The following C13orf42 variants were observed in gnomAD, a reference collection of about 807,000 sequenced individuals.
The protein encoded by C13orf42 is chromosome 13 open reading frame 42, also known as uncharacterized protein C13orf42.
intron 1 of C13orf42, among the ~76,000 whole-genome samples, chr13:51,142,923 A>G (rs1953706701): frequency 6.6e-6 from 1 of 152,194 alleles, no homozygotes; most frequent in Non-Finnish European, 1.5e-5. Flanking sequence ...AGTGTAAGCC[A>G]CAATAAGAGG....
intron 1 of C13orf42, among the ~76,000 whole-genome samples, chr13:51,154,572 C>T (rs1953810561): frequency 1.3e-5 from 2 of 152,122 alleles, no homozygotes; most frequent in South Asian, 2.1e-4. Context: ...GTGGAGCAAG[C>T]GAGAAAAGTA....
chr13:51,144,094 T>C (rs1953717876), intron 1 of C13orf42, among the ~76,000 whole-genome samples: 2 of 152,196 alleles, frequency 1.3e-5, no homozygotes, highest in Admixed American at 6.5e-5. Context: ...TGTCTTGTTT[T>C]GGTCCTCTTT....
chr13:51,142,343 G>A (rs555133405), intron 1 of C13orf42, among the ~76,000 whole-genome samples: 2 of 152,314 alleles, frequency 1.3e-5, no homozygotes, highest in African/African-American at 2.4e-5. Context: ...AGCCAATTAG[G>A]TGAAATCTTT....
chr13:51,162,047 GC>G (rs1193139479), intron 1 of C13orf42: 2 of 351,072 alleles, frequency 5.7e-6, no homozygotes, highest in African/African-American at 4.3e-5. Flanking sequence ...AGTACAACAT[GC>G]TGCAGCATCA....
intron 1 of C13orf42, among the ~76,000 whole-genome samples, chr13:51,146,414 G>A (rs895146348): frequency 6.6e-6 from 1 of 152,140 alleles, no homozygotes. Context: ...TGTGAACCTC[G>A]AATATCCGAG....
At chr13:51,157,204 C>T (rs1164670589) in intron 1 of C13orf42, among the ~76,000 whole-genome samples, 4 of 152,080 alleles carry the variant, frequency 2.6e-5, no homozygotes, top group South Asian at 2.1e-4. Context: ...GAGGCCGAGG[C>T]GGACGGATCG....
chr13:51,151,298 C>T (rs1212880562), intron 1 of C13orf42, among the ~76,000 whole-genome samples: 2 of 151,880 alleles, frequency 1.3e-5, no homozygotes, highest in East Asian at 3.9e-4. Context: ...AGAGACTCAG[C>T]ACACCATTGC....
At chr13:51,087,694 G>A (rs1953142920) in intron 2 of C13orf42, among the ~76,000 whole-genome samples, 1 of 152,212 alleles carries the variant, frequency 6.6e-6, no homozygotes, top group African/African-American at 2.4e-5. Context: ...CAGAGTGTTG[G>A]AGAGGCAGCC....
At chr13:51,109,442 G>A (rs1040503617) in intron 1 of C13orf42, among the ~76,000 whole-genome samples, 3 of 152,094 alleles carry the variant, frequency 2.0e-5, no homozygotes, top group Non-Finnish European at 2.9e-5. Flanking sequence ...CTTAACCTAC[G>A]GGCATTAGAA....
chr13:51,099,749 C>T (rs547422478), intron 1 of C13orf42, among the ~76,000 whole-genome samples: 1 of 152,252 alleles, frequency 6.6e-6, no homozygotes, highest in South Asian at 2.1e-4. Context: ...ATCCTCCTAC[C>T]TCAGTTTTCC....
intron 1 of C13orf42, among the ~76,000 whole-genome samples, chr13:51,133,194 T>C (rs1953632384): frequency 6.6e-6 from 1 of 152,242 alleles, no homozygotes; most frequent in African/African-American, 2.4e-5. Flanking sequence ...CACCGTGAAT[T>C]CTTTCTTGCA....
At chr13:51,153,945 A>C (rs1043361801) in intron 1 of C13orf42, among the ~76,000 whole-genome samples, 3 of 151,954 alleles carry the variant, frequency 2.0e-5, no homozygotes, top group Non-Finnish European at 4.4e-5. Flanking sequence ...ACCCATCTTC[A>C]AAACTGTTTT....
At chr13:51,135,075 G>T (rs555922540) in intron 1 of C13orf42, among the ~76,000 whole-genome samples, 1 of 152,154 alleles carries the variant, frequency 6.6e-6, no homozygotes, top group Admixed American at 6.5e-5. Context: ...TTGAACCCTC[G>T]GGAGGCCTCT....
At chr13:51,167,460 T>C (rs1953912043) in intron 1 of C13orf42, among the ~76,000 whole-genome samples, 1 of 152,150 alleles carries the variant, frequency 6.6e-6, no homozygotes, top group Non-Finnish European at 1.5e-5. Flanking sequence ...ACAAAGCCCA[T>C]GACTCAAGGA....
At chr13:51,122,852 T>G (rs1953547821) in intron 1 of C13orf42, among the ~76,000 whole-genome samples, 2 of 152,202 alleles carry the variant, frequency 1.3e-5, no homozygotes, top group Non-Finnish European at 2.9e-5. Context: ...AAACAATTTT[T>G]AAAACACCCA....
intron 1 of C13orf42, among the ~76,000 whole-genome samples, chr13:51,148,123 C>G (rs1953752728): frequency 6.6e-6 from 1 of 152,180 alleles, no homozygotes; most frequent in Non-Finnish European, 1.5e-5. Flanking sequence ...CATGTGATTT[C>G]CGTAAAATCC....
chr13:51,119,912 T>G (rs3926805), intron 1 of C13orf42, among the ~76,000 whole-genome samples: 40,469 of 151,728 alleles, frequency 0.27, 6,415 homozygotes, highest in African/African-American at 0.45. Flanking sequence ...TAAAAACAAA[T>G]AGATTCCCAA....
At chr13:51,101,423 G>C (rs550618507) in intron 1 of C13orf42, among the ~76,000 whole-genome samples, 8 of 152,088 alleles carry the variant, frequency 5.3e-5, no homozygotes, top group African/African-American at 1.9e-4. Context: ...GTGTGTTTTT[G>C]ATGGTGGGCT....
At chr13:51,136,015 C>T (rs1482007083) in intron 1 of C13orf42, among the ~76,000 whole-genome samples, 2 of 152,190 alleles carry the variant, frequency 1.3e-5, no homozygotes, top group African/African-American at 4.8e-5. Context: ...AGGGCGTGAC[C>T]TCCACCCCTA....
Sources: gnomAD v4.1 joint callset for allele counts (sites outside exome capture counted in the v4.1 genomes callset) on GRCh38, gnomAD v4.1.1 for gene constraint, MANE v1.5 for transcripts, NCBI Gene and HGNC (gene_info 2026-07-23, HGNC 2026-07-21) for gene names.